LUZP1: variants seen among roughly 807,000 people sequenced by gnomAD.
LUZP1 encodes the protein leucine zipper protein 1, also known as filamin mechanobinding actin cross-linking protein.
LUZP1 carries 25 observed loss-of-function variants against 71.3 expected under a neutral mutation model. The observed-to-expected ratio is 0.35, with a 90% CI of 0.26 to 0.49. LUZP1 has a LOEUF of 0.49. LUZP1 is among the 20% of genes least tolerant of loss of function. LUZP1 has a pLI of 0.99. For synonymous variants in LUZP1, 481 were observed against 506.4 expected (o/e 0.95, Z 0.67); for missense variants, 1,142 against 1,300.8 (o/e 0.88, Z 1.88).
At chr1:23,116,914 G>A (rs915568283) in intron 2 of LUZP1, among the ~76,000 whole-genome samples, 1 of 152,088 alleles carries the variant, frequency 6.6e-6, no homozygotes, top group Non-Finnish European at 1.5e-5. Flanking sequence ...ATCTCCCTTA[G>A]GAGAAGTGTA....
At chr1:23,137,371 T>C (rs1644262940) in intron 2 of LUZP1, among the ~76,000 whole-genome samples, 1 of 152,230 alleles carries the variant, frequency 6.6e-6, no homozygotes, top group Non-Finnish European at 1.5e-5. Flanking sequence ...CGAGGCATGG[T>C]GGCTCACACC....
chr1:23,089,236 G>C (rs1371375251), intron 4 of LUZP1, among the ~76,000 whole-genome samples, 183 bp from the exon 4 acceptor site: 1 of 152,132 alleles, frequency 6.6e-6, no homozygotes, highest in Non-Finnish European at 1.5e-5. Flanking sequence ...AAATTCCTTG[G>C]AAATCGGCAG....
chr1:23,116,709 AT>A (rs1644082400), intron 2 of LUZP1, among the ~76,000 whole-genome samples: 1 of 152,138 alleles, frequency 6.6e-6, no homozygotes, highest in Non-Finnish European at 1.5e-5. Flanking sequence ...TTTTGTTGTT[AT>A]TTTTGTTTAA....
intron 2 of LUZP1, among the ~76,000 whole-genome samples, chr1:23,151,676 A>T (rs1644385980): frequency 6.6e-6 from 1 of 152,156 alleles, no homozygotes; most frequent in Non-Finnish European, 1.5e-5. Context: ...TTAAAGTGTA[A>T]GTCAAGTACC....
At chr1:23,092,137 T>C (rs1197441015) in exon 4 of LUZP1, 3 of 1,614,052 alleles carry the variant, frequency 1.9e-6, no homozygotes. Flanking sequence ...CCAGCATCTT[T>C]ATCATTCTCA....
chr1:23,136,475 T>C (rs1335180594), intron 2 of LUZP1, among the ~76,000 whole-genome samples: 1 of 152,196 alleles, frequency 6.6e-6, no homozygotes, highest in Non-Finnish European at 1.5e-5. Context: ...CCCCAGGACC[T>C]TATCAACTCA....
intron 2 of LUZP1, among the ~76,000 whole-genome samples, chr1:23,123,084 A>T (rs1179633408): frequency 6.6e-6 from 1 of 152,248 alleles, no homozygotes; most frequent in Non-Finnish European, 1.5e-5. Flanking sequence ...AGAATACAGC[A>T]TAAGGACAAA....
intron 2 of LUZP1, among the ~76,000 whole-genome samples, chr1:23,139,019 A>AAAAAAAAATATAT (rs1317355746): frequency 3.2e-4 from 19 of 59,950 alleles, no homozygotes; most frequent in Non-Finnish European, 4.0e-4. Flanking sequence ...AAAAAAAAAA[A>AAAAAAAAATATAT]ATATATATAT....
At chr1:23,086,104 G>A (rs1053200528) in exon 5 of LUZP1, 1 of 152,210 alleles carries the variant, frequency 6.6e-6, no homozygotes, top group African/African-American at 2.4e-5. Context: ...CCTCTACTTG[G>A]AGGCTTCCTC....
At chr1:23,146,965 C>T (rs920222798) in intron 2 of LUZP1, among the ~76,000 whole-genome samples, 50 of 151,282 alleles carry the variant, frequency 3.3e-4, no homozygotes, top group African/African-American at 1.2e-3. Context: ...GGTGTGGTGG[C>T]GGGCAGCTGT....
At chr1:23,148,637 T>C (rs1644360249) in intron 2 of LUZP1, among the ~76,000 whole-genome samples, 1 of 152,150 alleles carries the variant, frequency 6.6e-6, no homozygotes, top group Admixed American at 6.5e-5. Flanking sequence ...AGATTCTCAG[T>C]GTAATTATTT....
At chr1:23,090,483 G>A (rs1438047698) in intron 4 of LUZP1, 1 of 193,572 alleles carries the variant, frequency 5.2e-6, no homozygotes, top group Non-Finnish European at 1.1e-5. Context: ...GACACTCCCA[G>A]GGGCTTCTCC....
At chr1:23,111,865 A>G (rs564670304) in intron 2 of LUZP1, among the ~76,000 whole-genome samples, 2 of 151,838 alleles carry the variant, frequency 1.3e-5, no homozygotes, top group South Asian at 4.2e-4. Context: ...CCTACATAAA[A>G]ATTCTGAACT....
At chr1:23,119,916 C>T (rs923771549) in intron 2 of LUZP1, among the ~76,000 whole-genome samples, 7 of 151,550 alleles carry the variant, frequency 4.6e-5, no homozygotes, top group Non-Finnish European at 5.9e-5. Context: ...ATCACCAGCT[C>T]AAGTCCAGGT....
rs1482426445 is a variant in LUZP1 at position 23,094,720 on chromosome 1, T to C, written c.-119-340A>G. 6.6e-6 allele frequency among the ~76,000 whole-genome samples: 1 copy of C among 152,190 alleles called. No homozygotes were observed. Among genetic ancestry groups the C allele is most frequent in the Non-Finnish European group, 1.5e-5 (1 of 68,038 alleles). On this transcript the variant is annotated intron_variant, in intron 3 of 4. Coordinates refer to ENST00000302291, the Ensembl canonical transcript of LUZP1. This position sits in a 1 kb window ranked among gnomAD's most constrained non-coding sequence, Gnocchi z 4.7. ...AGAGTCATTAACAATGGAAACTAAG[T>C]CTCAGTTTTACTTAGTGGTAAAATG... is the stretch of plus-strand genomic sequence containing the variant.
chr1:23,125,588 T>A (rs1426631614), intron 2 of LUZP1, among the ~76,000 whole-genome samples: 1 of 152,226 alleles, frequency 6.6e-6, no homozygotes. Context: ...CATCAGTCTA[T>A]ACAGCCAATT....
At chr1:23,137,920 A>C (rs2124699792) in intron 2 of LUZP1, among the ~76,000 whole-genome samples, 1 of 152,334 alleles carries the variant, frequency 6.6e-6, no homozygotes, top group East Asian at 1.9e-4. Flanking sequence ...GACAGCCAAA[A>C]ATTGAAAAAT....
chr1:23,086,147 C>G (rs768501741), exon 5 of LUZP1: 4 of 152,324 alleles, frequency 2.6e-5, no homozygotes, highest in Non-Finnish European at 5.9e-5. Context: ...TGGGTCCAAA[C>G]AGTCACACCT....
intron 3 of LUZP1, among the ~76,000 whole-genome samples, chr1:23,102,659 T>C (rs1414252507): frequency 2.0e-5 from 3 of 152,124 alleles, no homozygotes; most frequent in Non-Finnish European, 4.4e-5. Flanking sequence ...TTAAACTTGA[T>C]TTAAAAAAAC....
Sources: gnomAD v4.1 joint callset for allele counts (sites outside exome capture counted in the v4.1 genomes callset) on GRCh38, gnomAD v4.1.1 for gene constraint, Gnocchi (gnomAD v3.1) non-coding constraint, MANE v1.5 for transcripts, NCBI Gene and HGNC (gene_info 2026-07-23, HGNC 2026-07-21) for gene names.